Variants in KCTD5 observed in about 807,000 individuals in gnomAD.
KCTD5 encodes the protein potassium channel tetramerization domain containing 5.
In KCTD5, 12 loss-of-function variants were observed where a neutral mutation model predicts 27.9. That is an observed-to-expected ratio of 0.43 (90% CI 0.28 to 0.70). The LOEUF (loss-of-function observed/expected upper bound fraction) is 0.70, where lower values mean the gene tolerates loss of function less well. KCTD5 is among the 30% of genes least tolerant of loss of function. The probability of loss-of-function intolerance (pLI) is 0.19; values close to 1 mark genes in which losing one functional copy is unlikely to be tolerated. For synonymous variants in KCTD5, 147 were observed against 121.4 expected (o/e 1.21, Z -1.39); for missense variants, 226 against 274.8 (o/e 0.82, Z 1.26).
chr16:2,682,584 C>A lies in KCTD5; in HGVS notation c.36C>A (p.Ala12=). 7.0e-7 allele frequency: 1 copy of A among 1,420,510 alleles called. No homozygotes were observed. The highest frequency in any genetic ancestry group is 1.5e-5 in the African/African-American group (1 of 66,880). The allele number at this position is 1,420,510 out of a possible 1,614,324, so 88.0% of individuals were successfully genotyped here. A position where few individuals can be genotyped will look rare whatever the true frequency, so the allele number is the denominator to read the frequency against. Reference sequence around the variant, plus strand: ...ATCACTGCGAGCTCCTGTCGCCGGCCCGGGGCGGCATCGGGGCGGGGCTGG... The same window carrying A: ...ATCACTGCGAGCTCCTGTCGCCGGCACGGGGCGGCATCGGGGCGGGGCTGG... ...AENHCELLSP[A]RGGIGAGLGG... The change falls in exon 1 of 6, where the codon GCC becomes GCA. Residue 12 remains alanine, a synonymous_variant. Coordinates refer to ENST00000301738, the MANE Select transcript of KCTD5 (RefSeq NM_018992.4).
chr16:2,690,450 C>G (rs2067561310), intron 1 of KCTD5, among the ~76,000 whole-genome samples: 1 of 152,250 alleles, frequency 6.6e-6, no homozygotes, highest in African/African-American at 2.4e-5. Flanking sequence ...ACAAGTAGGT[C>G]AGATGCCAAT....
chr16:2,696,907 C>T (rs2142056048), intron 2 of KCTD5, among the ~76,000 whole-genome samples: 1 of 152,366 alleles, frequency 6.6e-6, no homozygotes, highest in Non-Finnish European at 1.5e-5. Flanking sequence ...CTTGGGCAGC[C>T]GCTTGTGTTG....
chr16:2,692,286 G>A (rs2067569985), intron 1 of KCTD5, among the ~76,000 whole-genome samples: 1 of 152,188 alleles, frequency 6.6e-6, no homozygotes, highest in Non-Finnish European at 1.5e-5. Context: ...CGTCCAGGAA[G>A]AATGAGGTAG....
chr16:2,688,265 A>T (rs1421709210), intron 1 of KCTD5, among the ~76,000 whole-genome samples: 1 of 137,014 alleles, frequency 7.3e-6, no homozygotes, highest in Non-Finnish European at 1.6e-5. Context: ...TTATTTATTT[A>T]TTTGAGACGG....
intron 1 of KCTD5, chr16:2,683,421 G>A (rs2067527330): frequency 1.3e-5 from 2 of 152,162 alleles, no homozygotes; most frequent in East Asian, 3.8e-4. Context: ...CATATTAAGG[G>A]TTGCTTTAGG....
At chr16:2,693,717 G>A (rs2067577268) in intron 1 of KCTD5, among the ~76,000 whole-genome samples, 1 of 152,280 alleles carries the variant, frequency 6.6e-6, no homozygotes, top group East Asian at 1.9e-4. Flanking sequence ...CCCAGGGCCT[G>A]AGAAGCACAT....
intron 4 of KCTD5, among the ~76,000 whole-genome samples, chr16:2,700,284 C>G (rs908116060): frequency 5.3e-5 from 8 of 152,246 alleles, no homozygotes; most frequent in African/African-American, 1.9e-4. Flanking sequence ...ACAGCTCACT[C>G]CATCGGAGCA....
At chr16:2,700,812 C>A (rs925050348) in intron 4 of KCTD5, among the ~76,000 whole-genome samples, 4 of 151,960 alleles carry the variant, frequency 2.6e-5, no homozygotes, top group Non-Finnish European at 5.9e-5. Context: ...AGCCCCCCCC[C>A]CCTTAAAATG....
rs757361468 is a variant in KCTD5 at position 2,682,818 on chromosome 16, C to T, written c.252+18C>T. ...CAGACAAGGTGAGGGCCTCACGGGC[C>T]AGCCCGGAGGGTCCTGGCCTTCCCG... On this transcript the variant is annotated intron_variant, in intron 1 of 5. Coordinates refer to ENST00000301738, the MANE Select transcript of KCTD5 (RefSeq NM_018992.4). The T allele has an allele frequency of 3.2e-6, 5 of 1,576,670 alleles. No individual in the cohort carries two copies. The highest frequency in any genetic ancestry group is 4.3e-6 in the Non-Finnish European group (5 of 1,164,712).
At chr16:2,697,112 G>T (rs1401560516) in intron 2 of KCTD5, 1 of 152,474 alleles carries the variant, frequency 6.6e-6, no homozygotes, top group Non-Finnish European at 1.5e-5. Flanking sequence ...GCGGGGCCGG[G>T]AAGCCTGTGT....
In KCTD5 at chr16:2,683,939, G is replaced by A. The variant is rs1370082181; in HGVS notation, c.252+1139G>A. ...TACTGCTAAGGCAGCCTTGTGGGTG[G>A]AAATGAGGGTTTGAGATGCCAACCC... On this transcript the variant is annotated intron_variant, in intron 1 of 5. Coordinates refer to ENST00000301738, the MANE Select transcript of KCTD5 (RefSeq NM_018992.4). 3.4e-5 allele frequency: 5 copies of A among 146,424 alleles called. 1 individual carries two copies. The highest frequency in any genetic ancestry group is 5.2e-5 in the African/African-American group (2 of 38,376). 9.1% of individuals were successfully genotyped at this position (146,424 alleles called of 1,614,324 possible).
Position 2,708,289 on chromosome 16 carries a change from A to G in KCTD5, c.*962A>G, listed in dbSNP as rs528651581. 6.5e-6 allele frequency: 1 copy of G among 152,806 alleles called. No homozygotes were observed. The highest frequency in any genetic ancestry group is 2.1e-4 in the South Asian group (1 of 4,832). 9.5% of individuals were successfully genotyped at this position (152,806 alleles called of 1,614,324 possible). The stretch of plus-strand genomic sequence containing the variant: ...CTCGCCGCTCTCTCATTTTCTTTGT[A>G]TAACTATGCAGCCTTCCCTCTCTTT... On this transcript the variant is annotated 3_prime_UTR_variant, in exon 6 of 6. Transcript: ENST00000301738.
Position 2,707,376 on chromosome 16 carries a change from G to A in KCTD5, c.*49G>A. On this transcript the variant is annotated 3_prime_UTR_variant, in exon 6 of 6. Transcript: ENST00000301738. ...GAAATGATTTACGTTTTCCCGAGAT[G>A]TAATGAACTGCCATGTCCAGGAAGC... is the stretch of plus-strand genomic sequence containing the variant. 6.4e-7 allele frequency: 1 copy of A among 1,564,196 alleles called. No homozygotes were observed. Among genetic ancestry groups the A allele is most frequent in the Non-Finnish European group, 8.8e-7 (1 of 1,134,332 alleles).
intron 5 of KCTD5, among the ~76,000 whole-genome samples, chr16:2,703,629 C>T (rs1237929210): frequency 2.0e-5 from 3 of 152,198 alleles, no homozygotes; most frequent in Admixed American, 2.0e-4. Flanking sequence ...AAGCATGTCT[C>T]TCGGAGGCCT....
At chr16:2,698,598 C>T (rs1259144524) in intron 3 of KCTD5, among the ~76,000 whole-genome samples, 4 of 152,110 alleles carry the variant, frequency 2.6e-5, no homozygotes, top group Admixed American at 6.5e-5. Context: ...AGCCCGCCCC[C>T]CCCACCCAAG....
At chr16:2,707,229 G>C (rs2067640800) in intron 5 of KCTD5, 69 bp from the exon 6 acceptor site, 1 of 1,490,694 alleles carries the variant, frequency 6.7e-7, no homozygotes, top group African/African-American at 1.4e-5. Flanking sequence ...TCTGTTTTCT[G>C]GAGCAGGCGC....
At chr16:2,682,985 G>C (rs2067525327) in intron 1 of KCTD5, 185 bp downstream of exon 1, 2 of 627,274 alleles carry the variant, frequency 3.2e-6, no homozygotes, top group Admixed American at 4.2e-5. Context: ...TGGGAGGGGA[G>C]GGTGAGGATG....
chr16:2,693,124 GT>G (rs1241900226), intron 1 of KCTD5, among the ~76,000 whole-genome samples: 14 of 152,348 alleles, frequency 9.2e-5, no homozygotes, highest in Non-Finnish European at 1.8e-4. Flanking sequence ...CTCACCGCTG[GT>G]GCCACTCTCA....
chr16:2,702,077 G>A (rs1567196070), intron 4 of KCTD5, among the ~76,000 whole-genome samples: 1 of 152,186 alleles, frequency 6.6e-6, no homozygotes, highest in Non-Finnish European at 1.5e-5. Flanking sequence ...CCGTCCCCCT[G>A]GGGCAGCAGC....
Sources: allele counts gnomAD v4.1 joint callset (sites outside exome capture counted in the v4.1 genomes callset), GRCh38; gene constraint gnomAD v4.1.1; transcripts MANE v1.5; gene names NCBI Gene and HGNC (gene_info 2026-07-23, HGNC 2026-07-21).